Variants in PCDH11X observed in about 807,000 individuals in gnomAD.
The protein encoded by PCDH11X is protocadherin 11 X-linked.
A neutral mutation model predicts 53.3 loss-of-function variants in PCDH11X; 18 were observed. The observed-to-expected ratio is 0.34, with a 90% confidence interval of 0.23 to 0.50. The LOEUF (loss-of-function observed/expected upper bound fraction) is 0.50. Ranked by LOEUF, PCDH11X falls within the 20% of genes least tolerant of loss-of-function variation. The pLI, the probability that PCDH11X is intolerant of heterozygous loss-of-function variation, is 0.98. For synonymous variants in PCDH11X, 279 were observed against 393.3 expected (o/e 0.71, Z 3.44); for missense variants, 570 against 1,032.4 (o/e 0.55, Z 6.14).
chrX:91,839,687 T>A (rs1306074037), intron 5 of PCDH11X, among the ~76,000 whole-genome samples: 2 of 110,911 alleles, frequency 1.8e-5, no homozygotes, highest in African/African-American at 6.5e-5. Context: ...TCTGCTTGTT[T>A]AAAAAATAAG....
Position 92,433,857 on chromosome X carries a change from C to T in PCDH11X, c.3344-34442C>T, listed in dbSNP as rs146092473. 9.7e-3 allele frequency among the ~76,000 whole-genome samples: 1,079 copies of T among 110,853 alleles called. 16 individuals are homozygous for T. The highest frequency in any genetic ancestry group is 0.034 in the African/African-American group (1,045 of 30,525). Reference sequence around the variant, plus strand: ...CTTACAGTATGGGAGCAAATGGACACGTGCCTGTCCTTTCATAATCAAAAA... The same window carrying T: ...CTTACAGTATGGGAGCAAATGGACATGTGCCTGTCCTTTCATAATCAAAAA... On this transcript the variant is annotated intron_variant, in intron 9 of 10. Coordinates refer to ENST00000682573, the MANE Select transcript of PCDH11X (RefSeq NM_032968.5).
In PCDH11X at chrX:92,277,902, C is replaced by T. The variant is rs12556159; in HGVS notation, c.3144+14759C>T. Among the ~76,000 whole-genome samples, 129 of 111,196 alleles carry T rather than the reference C, an allele frequency of 1.2e-3. 2 individuals carry two copies. In the East Asian group the frequency reaches 0.023, roughly 20 times the overall value. ...GGTACTTGCCCCTTCCCCAGAAAAG[C>T]GGGACTTGCCGCTAAGGGTGAAGGA... On this transcript the variant is annotated intron_variant, in intron 8 of 10. Coordinates refer to ENST00000682573, the MANE Select transcript of PCDH11X (RefSeq NM_032968.5).
At chrX:92,331,277 TCTTTCTTC>T (rs1451770062) in intron 8 of PCDH11X, among the ~76,000 whole-genome samples, 19 of 96,654 alleles carry the variant, frequency 2.0e-4, no homozygotes, top group Non-Finnish European at 3.7e-4. Flanking sequence ...CTCCTCCTCC[TCTTTCTTC>T]TTCTTCTTCT....
At chrX:92,050,037 G>T (rs2063346782) in intron 6 of PCDH11X, among the ~76,000 whole-genome samples, 1 of 111,969 alleles carries the variant, frequency 8.9e-6, no homozygotes, top group African/African-American at 3.2e-5. Flanking sequence ...GGCCTCCCAA[G>T]GTGCTGGGAT....
intron 6 of PCDH11X, among the ~76,000 whole-genome samples, chrX:92,175,785 T>TATACAC (rs1556140527): frequency 0.018 from 1,507 of 83,661 alleles, 50 homozygotes; most frequent in African/African-American, 0.06. Context: ...TGTATATATA[T>TATACAC]ACACACACAC....
intron 6 of PCDH11X, among the ~76,000 whole-genome samples, chrX:92,020,080 C>T (rs376767504): frequency 8.9e-6 from 1 of 112,601 alleles, no homozygotes. Flanking sequence ...GAAGATTCCA[C>T]TCGTGAGCCC....
At chrX:91,938,701 A>C (rs2061474570) in intron 6 of PCDH11X, among the ~76,000 whole-genome samples, 1 of 110,947 alleles carries the variant, frequency 9.0e-6, no homozygotes, top group Admixed American at 9.6e-5. Flanking sequence ...ATGGCTAGAA[A>C]TAGTGCCTGT....
chrX:92,500,789 C>T (rs372751232), intron 10 of PCDH11X, among the ~76,000 whole-genome samples: 25,261 of 102,588 alleles, frequency 0.25, 2,790 homozygotes, highest in Non-Finnish European at 0.32. Context: ...CTCAAGTTAA[C>T]AACCTATCAT....
intron 6 of PCDH11X, among the ~76,000 whole-genome samples, chrX:92,100,797 G>C (rs761159992): frequency 1.8e-5 from 2 of 110,721 alleles, no homozygotes; most frequent in African/African-American, 6.6e-5. Context: ...ATGTTTCTCA[G>C]GGCTGCTTCA....
intron 6 of PCDH11X, among the ~76,000 whole-genome samples, chrX:91,997,222 A>G (rs1443894694): frequency 9.1e-6 from 1 of 109,650 alleles, no homozygotes; most frequent in Non-Finnish European, 1.9e-5. Context: ...TTTCTTGTTT[A>G]ATTTTTCTGG....
Position 92,357,785 on chromosome X carries a change from A to G in PCDH11X, c.3145-29950A>G, listed in dbSNP as rs746375974. ...ATTACTTGTATCGATCTCATTAAGTATAAATCTATTTTAATTTATTATGTA... is the reference window on the plus strand; with the variant it reads ...ATTACTTGTATCGATCTCATTAAGTGTAAATCTATTTTAATTTATTATGTA... On this transcript the variant is annotated intron_variant, in intron 8 of 10. Transcript: ENST00000682573. Among the ~76,000 whole-genome samples, 4 of 112,132 alleles carry G rather than the reference A, an allele frequency of 3.6e-5. No individual in the cohort carries two copies. The East Asian group carries it at 1.1e-3, about 31-fold the overall frequency.
intron 6 of PCDH11X, among the ~76,000 whole-genome samples, chrX:91,899,298 G>A (rs1940867415): frequency 9.0e-6 from 1 of 111,004 alleles, no homozygotes; most frequent in East Asian, 2.9e-4. Flanking sequence ...GCATGGGAGA[G>A]AGATGTAGGC....
chrX:92,236,794 A>G (rs779643075), intron 7 of PCDH11X, among the ~76,000 whole-genome samples: 2 of 111,408 alleles, frequency 1.8e-5, no homozygotes, highest in Admixed American at 1.9e-4. Flanking sequence ...ATATGTTGGT[A>G]CTGCTTAATA....
intron 7 of PCDH11X, among the ~76,000 whole-genome samples, chrX:92,226,669 C>G (rs2066977184): frequency 9.0e-6 from 1 of 110,621 alleles, no homozygotes; most frequent in Non-Finnish European, 1.9e-5. Context: ...TTATTTTGGC[C>G]CCCTTTGGAG....
intron 6 of PCDH11X, among the ~76,000 whole-genome samples, chrX:92,161,203 C>T: frequency 9.0e-6 from 1 of 111,499 alleles, no homozygotes; most frequent in Non-Finnish European, 1.9e-5. Context: ...TCTTGTAGTG[C>T]TGGCTTGGTA....
chrX:91,896,291 T>C (rs1940752466), intron 6 of PCDH11X, among the ~76,000 whole-genome samples: 1 of 109,758 alleles, frequency 9.1e-6, no homozygotes, highest in Non-Finnish European at 1.9e-5. Flanking sequence ...GACTTGGCTA[T>C]TTTTGTGTGT....
chrX:91,812,552 T>G (rs1183954169), intron 4 of PCDH11X, among the ~76,000 whole-genome samples: 2 of 111,235 alleles, frequency 1.8e-5, no homozygotes, highest in Non-Finnish European at 3.8e-5. Context: ...TTTGTGTGTC[T>G]ATAATTCTTC....
At chrX:92,431,963 A>G (rs762642742) in intron 9 of PCDH11X, among the ~76,000 whole-genome samples, 22 of 110,437 alleles carry the variant, frequency 2.0e-4, no homozygotes, top group Admixed American at 3.9e-4. Flanking sequence ...ATAAAGGACA[A>G]AATGATCTGA....
At chrX:91,945,247 C>T (rs2147862403) in intron 6 of PCDH11X, among the ~76,000 whole-genome samples, 1 of 102,645 alleles carries the variant, frequency 9.7e-6, no homozygotes, top group South Asian at 4.5e-4. Flanking sequence ...TATAATCATT[C>T]AGGGCTACAT....
Sources: gnomAD v4.1 joint callset for allele counts (sites outside exome capture counted in the v4.1 genomes callset) on GRCh38, gnomAD v4.1.1 for gene constraint, MANE v1.5 for transcripts, NCBI Gene and HGNC (gene_info 2026-07-23, HGNC 2026-07-21) for gene names.